TRAF3: variants seen among roughly 807,000 people sequenced by gnomAD.
TRAF3 encodes TNF receptor-associated factor 3.
TRAF3 carries 13 observed loss-of-function variants against 62.3 expected under a neutral mutation model. The ratio of observed to expected loss-of-function variants is 0.21; its 90% CI spans 0.14 to 0.33. The LOEUF (loss-of-function observed/expected upper bound fraction) is 0.33, where lower values mean the gene tolerates loss of function less well. Among genes scored for constraint, TRAF3 ranks in the 10% least tolerant of loss-of-function variants. The pLI, the probability that TRAF3 is intolerant of heterozygous loss-of-function variation, is 1.00. For missense variants in TRAF3, 440 were observed against 741.8 expected (o/e 0.59, Z 4.73); for synonymous variants, 269 against 283.4 (o/e 0.95, Z 0.51).
chr14:102,906,740 C>T lies in TRAF3; in HGVS notation c.*956C>T, dbSNP rs192894065. 2.0e-5 allele frequency: 3 copies of T among 152,360 alleles called. No homozygotes were observed. Among genetic ancestry groups the T allele is most frequent in the African/African-American group, 7.2e-5 (3 of 41,584 alleles). The allele number at this position is 152,360 out of a possible 1,614,324, so 9.4% of individuals were successfully genotyped here. Reference sequence around the variant, plus strand: ...TGCCCCATGTGTTCGGACGAGCTCTCTGTTGCTGACAGCACCGGCCTTCGG... The same window carrying T: ...TGCCCCATGTGTTCGGACGAGCTCTTTGTTGCTGACAGCACCGGCCTTCGG... On this transcript the variant is annotated 3_prime_UTR_variant, in exon 12 of 12. Coordinates refer to ENST00000392745, the MANE Select transcript of TRAF3 (RefSeq NM_145725.3).
chr14:102,870,535 C>A, intron 3 of TRAF3, 89 bp downstream of exon 3: 1 of 1,537,218 alleles, frequency 6.5e-7, no homozygotes, highest in Non-Finnish European at 8.8e-7. Flanking sequence ...AAATAAACCT[C>A]TAGAGGTTTA....
At chr14:102,901,254 C>T (rs549494176) in intron 10 of TRAF3, among the ~76,000 whole-genome samples, 3 of 152,130 alleles carry the variant, frequency 2.0e-5, no homozygotes, top group Admixed American at 6.5e-5. Flanking sequence ...AGGGGTGGCT[C>T]GGTGCCATCC....
chr14:102,889,245 G>A, intron 7 of TRAF3, among the ~76,000 whole-genome samples: 1 of 152,132 alleles, frequency 6.6e-6, no homozygotes, highest in East Asian at 1.9e-4. Flanking sequence ...GTGCATTTCA[G>A]TTTATGTTTT....
Position 102,806,934 on chromosome 14 carries a change from C to G in TRAF3, c.-156-23400C>G, listed in dbSNP as rs540333746. On this transcript the variant is annotated intron_variant, in intron 1 of 11. Coordinates refer to ENST00000392745, the MANE Select transcript of TRAF3 (RefSeq NM_145725.3). ...TCTCTAGTGAAGCTCTTGATTCCTC[C>G]CTACCCCCATCCAGATGCTAGAAGA... Among the ~76,000 whole-genome samples, 25 of 152,250 alleles carry G rather than the reference C, an allele frequency of 1.6e-4. No homozygotes were observed. In the East Asian group the frequency reaches 4.2e-3, roughly 26 times the overall value.
At chr14:102,876,926 A>G (rs984305871) in intron 6 of TRAF3, among the ~76,000 whole-genome samples, 1 of 147,014 alleles carries the variant, frequency 6.8e-6, no homozygotes, top group African/African-American at 2.5e-5. Flanking sequence ...CAACTCATAG[A>G]TAATCTGTTC....
intron 1 of TRAF3, among the ~76,000 whole-genome samples, chr14:102,827,473 A>G (rs1279979457): frequency 6.6e-6 from 1 of 152,226 alleles, no homozygotes; most frequent in Non-Finnish European, 1.5e-5. Flanking sequence ...CCTTATACAC[A>G]TAGCCTGAAG....
chr14:102,786,150 T>C (rs962276759), intron 1 of TRAF3, among the ~76,000 whole-genome samples: 1 of 152,206 alleles, frequency 6.6e-6, no homozygotes, highest in Non-Finnish European at 1.5e-5. Flanking sequence ...TTCAGCTAAC[T>C]ATGCTGTTAA....
chr14:102,787,235 T>C (rs1218920160), intron 1 of TRAF3, among the ~76,000 whole-genome samples: 2 of 152,052 alleles, frequency 1.3e-5, no homozygotes, highest in Non-Finnish European at 2.9e-5. Context: ...AAGGGTAAAA[T>C]GTCTAGAAAC....
intron 6 of TRAF3, among the ~76,000 whole-genome samples, chr14:102,880,148 C>A (rs960264765): frequency 6.6e-6 from 1 of 152,094 alleles, no homozygotes; most frequent in Non-Finnish European, 1.5e-5. Context: ...TGTGCCCTCC[C>A]CTTTGGAAAA....
chr14:102,826,104 TAAC>T lies in TRAF3; in HGVS notation c.-156-4226_-156-4224del, dbSNP rs1297971994. ...TCGAATCCCTCCCACCCCCGTGAGG[TAAC>T]AACGTCTTTTCCAGTTGGTGTCAGT... On this transcript the variant is annotated intron_variant, in intron 1 of 11. Coordinates refer to ENST00000392745, the MANE Select transcript of TRAF3 (RefSeq NM_145725.3). The surrounding 1 kb of genome is among the most constrained non-coding windows in gnomAD (Gnocchi z 4.6). Among the ~76,000 whole-genome samples the T allele has an allele frequency of 6.6e-6, 1 of 152,116 alleles. No individual in the cohort carries two copies. The highest frequency in any genetic ancestry group is 1.9e-4 in the East Asian group (1 of 5,198).
At chr14:102,781,977 A>G (rs988857401) in intron 1 of TRAF3, among the ~76,000 whole-genome samples, 2 of 152,028 alleles carry the variant, frequency 1.3e-5, no homozygotes, top group African/African-American at 4.8e-5. Flanking sequence ...TATTTTTAGT[A>G]GAGATGGGGT....
At chr14:102,818,020 T>A (rs775380491) in intron 1 of TRAF3, among the ~76,000 whole-genome samples, 42 of 152,114 alleles carry the variant, frequency 2.8e-4, no homozygotes, top group Middle Eastern at 3.2e-3. Context: ...CTGCGGGGTG[T>A]CTGGAGGCAG....
rs547473112 is a variant in TRAF3, at chr14:102,863,983, G to A, written c.-17-6202G>A. On this transcript the variant is annotated intron_variant, in intron 2 of 11. Transcript: ENST00000392745. ...AGCCTCTTGTCTTCTAGGCCACTGC[G>A]GCAGCCAGGATGGGACCAGAGAAAG... Among the ~76,000 whole-genome samples the A allele has an allele frequency of 1.4e-3, 219 of 152,246 alleles. 3 individuals carry two copies. The highest frequency in any genetic ancestry group is 5.0e-3 in the African/African-American group (207 of 41,540).
intron 1 of TRAF3, among the ~76,000 whole-genome samples, chr14:102,792,278 C>G (rs566674016): frequency 3.9e-4 from 59 of 151,554 alleles, no homozygotes; most frequent in Admixed American, 2.5e-3. Context: ...TAGGTGCAAG[C>G]TGCCACACCC....
chr14:102,887,883 C>T (rs1726894887), intron 7 of TRAF3, among the ~76,000 whole-genome samples: 2 of 152,188 alleles, frequency 1.3e-5, no homozygotes, highest in South Asian at 4.1e-4. Flanking sequence ...GTGTGAGCCA[C>T]CGCGCCCGGC....
intron 1 of TRAF3, among the ~76,000 whole-genome samples, chr14:102,802,686 G>A (rs1002610705): frequency 4.0e-5 from 6 of 151,676 alleles, no homozygotes; most frequent in African/African-American, 4.8e-5. Context: ...AAAATTAGCC[G>A]GGTGTGTGGC....
At chr14:102,803,362 C>T (rs746936298) in intron 1 of TRAF3, among the ~76,000 whole-genome samples, 39 of 152,056 alleles carry the variant, frequency 2.6e-4, no homozygotes, top group African/African-American at 4.8e-5. Context: ...TGGCTAAGGG[C>T]GTGAGTGCTG....
chr14:102,836,373 A>T (rs1383712786), intron 2 of TRAF3, among the ~76,000 whole-genome samples: 1 of 152,262 alleles, frequency 6.6e-6, no homozygotes, highest in African/African-American at 2.4e-5. Context: ...ATGATTGTTG[A>T]GAATAGAATA....
chr14:102,857,030 A>G (rs1000822065), intron 2 of TRAF3, among the ~76,000 whole-genome samples: 1 of 152,244 alleles, frequency 6.6e-6, no homozygotes, highest in East Asian at 1.9e-4. Flanking sequence ...CCACAACAGT[A>G]AAGTAGAATA....
Sources: allele counts gnomAD v4.1 joint callset (sites outside exome capture counted in the v4.1 genomes callset), GRCh38; gene constraint gnomAD v4.1.1; non-coding constraint Gnocchi (gnomAD v3.1); transcripts MANE v1.5; gene names NCBI Gene and HGNC (gene_info 2026-07-23, HGNC 2026-07-21).